Variants in ITGB1 observed in about 807,000 individuals in gnomAD.
ITGB1 encodes the protein integrin beta-1.
Under a neutral mutation model 86.5 loss-of-function variants are expected in ITGB1, and 24 were observed. The observed-to-expected ratio is 0.28, with a 90% CI of 0.20 to 0.39. The LOEUF is 0.39. ITGB1 is among the 10% of genes least tolerant of loss of function. ITGB1 has a pLI of 1.00. For synonymous variants in ITGB1, 323 were observed against 316.8 expected (o/e 1.02, Z -0.21); for missense variants, 556 against 946.9 (o/e 0.59, Z 5.42).
At chr10:32,920,875 C>T (rs1427835788) in intron 9 of ITGB1, among the ~76,000 whole-genome samples, 2 of 151,458 alleles carry the variant, frequency 1.3e-5, no homozygotes, top group African/African-American at 4.9e-5. Context: ...CCCAGCTACT[C>T]GGGAGGCTGA....
chr10:32,920,905 C>T (rs921857502), intron 9 of ITGB1, among the ~76,000 whole-genome samples: 1 of 151,742 alleles, frequency 6.6e-6, no homozygotes, highest in Non-Finnish European at 1.5e-5. Context: ...ATCGCCTGAA[C>T]CCGGGAGGCA....
intron 7 of ITGB1, 72 bp downstream of exon 7, chr10:32,923,513 C>T: frequency 7.3e-7 from 1 of 1,361,888 alleles, no homozygotes. Flanking sequence ...AGCCAGTCAC[C>T]CACAAGCTCT....
chr10:32,943,235 A>G (rs1050785763), intron 1 of ITGB1, among the ~76,000 whole-genome samples: 5 of 152,220 alleles, frequency 3.3e-5, no homozygotes, highest in African/African-American at 1.2e-4. Flanking sequence ...TCATGCTCAT[A>G]GCTCTTAAAC....
At chr10:32,906,262 A>T (rs1006440057) in intron 15 of ITGB1, among the ~76,000 whole-genome samples, 1 of 152,092 alleles carries the variant, frequency 6.6e-6, no homozygotes, top group African/African-American at 2.4e-5. Context: ...TCACTATCCA[A>T]CCCTAAAATT....
At chr10:32,914,282 T>G (rs1454007624) in intron 11 of ITGB1, among the ~76,000 whole-genome samples, 1 of 152,136 alleles carries the variant, frequency 6.6e-6, no homozygotes, top group African/African-American at 2.4e-5. Flanking sequence ...CCAGCTAACA[T>G]CATAATGACA....
In ITGB1 at chr10:32,932,505, C is replaced by G. The variant is rs200727172; in HGVS notation, c.153+10G>C. 8 of 1,540,586 alleles carry G rather than the reference C, an allele frequency of 5.2e-6. No individual in the cohort carries two copies. The Admixed American group carries it at 1.2e-4, about 23-fold the overall frequency. The stretch of plus-strand genomic sequence containing the variant: ...GAACAAATGGAAAGGACTTGAGCAA[C>G]CTTACTTACTGAATTTGTGCACCAC... On this transcript the variant is annotated intron_variant, in intron 3 of 15. Transcript: ENST00000302278.
chr10:32,907,107 AATT>A (rs1565818035), intron 15 of ITGB1: 1 of 1,356,902 alleles, frequency 7.4e-7, no homozygotes, highest in African/African-American at 1.5e-5. Context: ...GGATTCTTGA[AATT>A]ATTAATAGGA....
intron 1 of ITGB1, chr10:32,945,002 T>G (rs2095027863): frequency 2.7e-6 from 2 of 748,430 alleles, no homozygotes; most frequent in African/African-American, 3.5e-5. Flanking sequence ...CATTACTCCA[T>G]GAGGAGAAAT....
At chr10:32,913,869 T>C (rs896339263) in intron 11 of ITGB1, among the ~76,000 whole-genome samples, 4 of 152,156 alleles carry the variant, frequency 2.6e-5, no homozygotes, top group Admixed American at 6.5e-5. Context: ...GATTGTCAGA[T>C]TCACCAAAGT....
intron 1 of ITGB1, among the ~76,000 whole-genome samples, chr10:32,940,174 T>C (rs527379562): frequency 3.3e-5 from 5 of 151,982 alleles, no homozygotes; most frequent in Non-Finnish European, 7.4e-5. Context: ...TGAAACCCCG[T>C]CTCTACAAAA....
At chr10:32,955,510 T>C (rs2137273649) in intron 1 of ITGB1, 1 of 152,298 alleles carries the variant, frequency 6.6e-6, no homozygotes, top group South Asian at 2.1e-4. Flanking sequence ...CTACAGAATA[T>C]TAATGAATAT....
chr10:32,956,686 C>A (rs1043787339), intron 1 of ITGB1, among the ~76,000 whole-genome samples: 1 of 152,170 alleles, frequency 6.6e-6, no homozygotes, highest in African/African-American at 2.4e-5. Flanking sequence ...CCAGCCTGGG[C>A]AACAGAGACC....
chr10:32,915,196 G>A (rs1205145460), intron 11 of ITGB1, among the ~76,000 whole-genome samples: 3 of 152,158 alleles, frequency 2.0e-5, no homozygotes, highest in African/African-American at 4.8e-5. Flanking sequence ...AGCACTAAAT[G>A]CCCACAAGAG....
At chr10:32,927,940 A>G (rs934976913) in intron 5 of ITGB1, among the ~76,000 whole-genome samples, 154 bp downstream of exon 5, 3 of 152,214 alleles carry the variant, frequency 2.0e-5, no homozygotes, top group African/African-American at 7.2e-5. Context: ...TAAACGTGTG[A>G]CTGGAATATC....
At position 32,948,971 on chromosome 10, in the gene ITGB1, GA is replaced by G. The variant is rs71299726; in HGVS notation, c.-1+9173del. Among the ~76,000 whole-genome samples the G allele has an allele frequency of 1.6e-3, 198 of 121,290 alleles. 3 individuals carry two copies. Among genetic ancestry groups the G allele is most frequent in the Middle Eastern group, 4.8e-3 (1 of 210 alleles). 79.6% of individuals were successfully genotyped at this position (121,290 alleles called of 152,430 possible). On this transcript the variant is annotated intron_variant, in intron 1 of 15. Coordinates refer to ENST00000302278, the MANE Select transcript of ITGB1 (RefSeq NM_002211.4). ...GGACTGCTGCTCACTGTGGATTACT[GA>G]AAAAAAAAAAAAGACTGACTTCTCA...
At chr10:32,909,278 C>T (rs2137165002) in intron 14 of ITGB1, among the ~76,000 whole-genome samples, 1 of 152,146 alleles carries the variant, frequency 6.6e-6, no homozygotes, top group East Asian at 1.9e-4. Context: ...ACAAATGCCC[C>T]TAGAACAAGT....
At chr10:32,928,742 A>T (rs960059230) in intron 4 of ITGB1, among the ~76,000 whole-genome samples, 2 of 150,526 alleles carry the variant, frequency 1.3e-5, no homozygotes, top group Non-Finnish European at 3.0e-5. Context: ...TTATTTATTT[A>T]TTATTATTTA....
intron 1 of ITGB1, among the ~76,000 whole-genome samples, chr10:32,951,515 A>C (rs1009798292): frequency 1.3e-5 from 2 of 152,170 alleles, no homozygotes; most frequent in East Asian, 3.8e-4. Context: ...GCACAAAATT[A>C]ACTCAAGACT....
At chr10:32,919,745 G>A (rs2094942818) in intron 11 of ITGB1, 140 bp downstream of exon 11, 1 of 642,640 alleles carries the variant, frequency 1.6e-6, no homozygotes, top group Admixed American at 2.7e-5. Context: ...TCATCAAACT[G>A]ATCTTGTGGT....
Sources: gnomAD v4.1 joint callset for allele counts (sites outside exome capture counted in the v4.1 genomes callset) on GRCh38, gnomAD v4.1.1 for gene constraint, MANE v1.5 for transcripts, NCBI Gene and HGNC (gene_info 2026-07-23, HGNC 2026-07-21) for gene names.